The following MCM9 variants were observed in gnomAD, a reference collection of about 807,000 sequenced individuals.
MCM9 encodes the protein DNA helicase MCM9.
MCM9 carries 55 observed loss-of-function variants against 72.8 expected under a neutral mutation model. That is an observed-to-expected ratio of 0.76 (90% CI 0.61 to 0.95). MCM9 has a LOEUF of 0.95. Among genes scored for constraint, MCM9 ranks in the 40% least tolerant of loss-of-function variants. The probability of loss-of-function intolerance (pLI) is 0.00; values close to 1 mark genes in which losing one functional copy is unlikely to be tolerated. For synonymous variants in MCM9, 480 were observed against 503.4 expected, an observed-to-expected ratio of 0.95 and a Z score of 0.62; for missense variants, 1,279 against 1,377.0, an observed-to-expected ratio of 0.93 and a Z score of 1.13.
intron 8 of MCM9, among the ~76,000 whole-genome samples, chr6:118,893,528 T>G (rs1310021914): frequency 6.6e-6 from 1 of 152,182 alleles, no homozygotes; most frequent in Non-Finnish European, 1.5e-5. Context: ...ATTTAAATTT[T>G]CCAAGCACAG....
intron 4 of MCM9, 79 bp downstream of exon 4, chr6:118,923,732 G>GT (rs1583683311): frequency 1.6e-6 from 2 of 1,239,162 alleles, no homozygotes. Flanking sequence ...TCCATTCTGT[G>GT]TTCCCTAATC....
chr6:118,879,033 G>T (rs534780393), intron 8 of MCM9, among the ~76,000 whole-genome samples: 1,581 of 152,206 alleles, frequency 0.01, 30 homozygotes, highest in African/African-American at 0.036. Flanking sequence ...TCCAGCCTGG[G>T]CAACAGAGGA....
At chr6:118,892,453 G>A (rs987617603) in intron 8 of MCM9, among the ~76,000 whole-genome samples, 106 of 152,262 alleles carry the variant, frequency 7.0e-4, no homozygotes, top group African/African-American at 2.5e-3. Flanking sequence ...ATTTTAACAA[G>A]CATAAAATGT....
At chr6:118,915,895 C>A (rs116829078) in intron 6 of MCM9, among the ~76,000 whole-genome samples, 1,588 of 152,298 alleles carry the variant, frequency 0.01, 29 homozygotes, top group African/African-American at 0.036. Context: ...AAGACAGATT[C>A]TTTAATTGCC....
In MCM9 at chr6:118,907,484, A is replaced by G. The variant is rs1325331588; in HGVS notation, c.1150+4166T>C. ...GAAGATAACACAGAAAAACTGGAAG[A>G]TGCAGAGAGCAGTAATCCAAATCTA... is the stretch of plus-strand genomic sequence containing the variant. On this transcript the variant is annotated intron_variant, in intron 8 of 13. Coordinates refer to ENST00000619706, the MANE Select transcript of MCM9 (RefSeq NM_017696.3). 47 of 1,613,472 alleles carry G rather than the reference A, an allele frequency of 2.9e-5. No individual in the cohort carries two copies. Among genetic ancestry groups the G allele is most frequent in the Non-Finnish European group, 4.0e-5 (47 of 1,179,686 alleles).
chr6:118,930,973 A>C (rs1224200343), intron 3 of MCM9, among the ~76,000 whole-genome samples: 3 of 152,234 alleles, frequency 2.0e-5, no homozygotes, highest in Admixed American at 2.0e-4. Context: ...CATTCAACAA[A>C]AATGTATCGA....
intron 8 of MCM9, among the ~76,000 whole-genome samples, chr6:118,895,278 C>T (rs1779310815): frequency 6.6e-6 from 1 of 152,028 alleles, no homozygotes. Flanking sequence ...CCGGGATGCG[C>T]CGGGATGCTG....
Position 118,917,680 on chromosome 6 carries a change from A to C in MCM9, c.785T>G (p.Val262Gly). 6.2e-7 allele frequency: 1 copy of C among 1,614,146 alleles called. No individual in the cohort carries two copies. The highest frequency in any genetic ancestry group is 8.5e-7 in the Non-Finnish European group (1 of 1,180,006). ...TACTTGGATGTAATTTGCTTTCAGG[A>C]CTATCTCCACTTCACAGCGCACATC... ...QQDVRCEVEI[V>G]LKANYIQVNN... is the part of the protein sequence containing the mutation. The change falls in exon 6 of 14, where the codon GTC (valine) becomes GGC (glycine). Residue 262 changes from valine to glycine, a missense_variant. Transcript: ENST00000619706.
intron 3 of MCM9, among the ~76,000 whole-genome samples, chr6:118,925,487 T>A (rs1014152320): frequency 6.6e-6 from 1 of 152,188 alleles, no homozygotes; most frequent in African/African-American, 2.4e-5. Flanking sequence ...AGTAACTGAA[T>A]GTTTAAGGTG....
chr6:118,910,772 A>C (rs1358550584), intron 8 of MCM9: 1 of 985,238 alleles, frequency 1.0e-6, no homozygotes, highest in Non-Finnish European at 1.2e-6. Flanking sequence ...TGGTTAATAT[A>C]CTGTTGAGTT....
At chr6:118,885,051 C>T (rs1006960797) in intron 8 of MCM9, among the ~76,000 whole-genome samples, 2 of 151,946 alleles carry the variant, frequency 1.3e-5, no homozygotes, top group African/African-American at 4.8e-5. Flanking sequence ...AAAAAATTAG[C>T]CAGGCGTGGT....
chr6:118,885,948 A>G (rs1778569857), intron 8 of MCM9, among the ~76,000 whole-genome samples: 2 of 152,148 alleles, frequency 1.3e-5, no homozygotes, highest in African/African-American at 4.8e-5. Context: ...CATTATGTAG[A>G]AAGGATTATA....
chr6:118,886,195 C>T (rs185243054), intron 8 of MCM9, among the ~76,000 whole-genome samples: 3 of 152,130 alleles, frequency 2.0e-5, no homozygotes, highest in Admixed American at 2.0e-4. Context: ...TGACAAGAAG[C>T]ATCTAAAAAA....
chr6:118,928,755 G>A (rs1264970076), intron 3 of MCM9, among the ~76,000 whole-genome samples: 2 of 151,942 alleles, frequency 1.3e-5, no homozygotes, highest in Non-Finnish European at 2.9e-5. Flanking sequence ...AGGAGGCTGA[G>A]GTGGGAGGAT....
intron 9 of MCM9, among the ~76,000 whole-genome samples, chr6:118,841,340 G>A (rs926650582): frequency 6.6e-6 from 1 of 152,138 alleles, no homozygotes; most frequent in Non-Finnish European, 1.5e-5. Context: ...GGGTTGGCTG[G>A]ACAGAAGGAC....
chr6:118,827,692 G>A (rs900447772), intron 11 of MCM9, among the ~76,000 whole-genome samples: 4 of 151,888 alleles, frequency 2.6e-5, no homozygotes, highest in African/African-American at 9.7e-5. Flanking sequence ...GTTCTAGGAG[G>A]TCCCGAGATG....
chr6:118,891,023 C>T lies in MCM9; in HGVS notation c.1150+20627G>A, dbSNP rs186080766. Among the ~76,000 whole-genome samples the T allele has an allele frequency of 3.8e-3, 573 of 152,306 alleles. 2 individuals are homozygous for T. The highest frequency in any genetic ancestry group is 6.3e-3 in the Non-Finnish European group (430 of 68,044). ...CTAGTTCTAATGTATTTTAATTTGGCACATTTTGATTTAATTCAATTTTAG... is the reference window on the plus strand; with the variant it reads ...CTAGTTCTAATGTATTTTAATTTGGTACATTTTGATTTAATTCAATTTTAG... On this transcript the variant is annotated intron_variant, in intron 8 of 13. Coordinates refer to ENST00000619706, the MANE Select transcript of MCM9 (RefSeq NM_017696.3).
intron 13 of MCM9, among the ~76,000 whole-genome samples, chr6:118,824,777 T>G (rs1774056002): frequency 6.6e-6 from 1 of 152,226 alleles, no homozygotes; most frequent in Admixed American, 6.5e-5. Flanking sequence ...TGGTTGGGTT[T>G]TTTCTCACTT....
At chr6:118,842,123 G>A (rs1041634213) in intron 9 of MCM9, among the ~76,000 whole-genome samples, 3 of 152,300 alleles carry the variant, frequency 2.0e-5, no homozygotes, top group East Asian at 1.9e-4. Flanking sequence ...GTGAGACACC[G>A]TGCCCGGCCT....
Sources: gnomAD v4.1 joint callset for allele counts (sites outside exome capture counted in the v4.1 genomes callset) on GRCh38, gnomAD v4.1.1 for gene constraint, MANE v1.5 for transcripts, NCBI Gene and HGNC (gene_info 2026-07-23, HGNC 2026-07-21) for gene names.